JPH1: variants seen among roughly 807,000 people sequenced by gnomAD.
JPH1 encodes junctophilin 1, also known as junctophilin-1.
Under a neutral mutation model 53.6 loss-of-function variants are expected in JPH1, and 12 were observed. The ratio of observed to expected loss-of-function variants is 0.22; its 90% CI spans 0.14 to 0.36. The LOEUF is 0.36. Among genes scored for constraint, JPH1 ranks in the 10% least tolerant of loss-of-function variants. The probability of loss-of-function intolerance (pLI) is 1.00; values close to 1 mark genes in which losing one functional copy is unlikely to be tolerated. For synonymous variants in JPH1, 375 were observed against 363.8 expected (o/e 1.03, Z -0.35); for missense variants, 808 against 905.5 (o/e 0.89, Z 1.38).
chr8:74,266,356 C>T (rs928161130), intron 2 of JPH1, among the ~76,000 whole-genome samples: 2 of 151,980 alleles, frequency 1.3e-5, no homozygotes, highest in East Asian at 3.9e-4. Context: ...TGATTATATA[C>T]ATACTGGAAT....
Position 74,315,141 on chromosome 8 carries a change from T to C in JPH1, c.859A>G (p.Asn287Asp). ...ACGCCGAAGCCGTTGCGCTTGTCGT[T>C]CTTCCACTCGCCCATGTAGGTTTCC... Reference protein sequence around the residue: ...TTETYMGEWKNDKRNGFGVSE... With the variant: ...TTETYMGEWKDDKRNGFGVSE... The change falls in exon 2 of 6, where the codon AAC becomes GAC. Residue 287 changes from asparagine to aspartate, a missense_variant. Asn to Asp is a conservative substitution (Grantham distance 23). This residue lies in a region of JPH1 where 756 missense variants were observed against 811.9 expected (regional missense o/e 0.93). Coordinates refer to ENST00000342232, the MANE Select transcript of JPH1 (RefSeq NM_020647.4). This position sits in a 1 kb window ranked among gnomAD's most constrained non-coding sequence, Gnocchi z 6.3. 2 of 1,614,254 alleles carry C rather than the reference T, an allele frequency of 1.2e-6. No homozygotes were observed. Among genetic ancestry groups the C allele is most frequent in the Non-Finnish European group, 1.7e-6 (2 of 1,180,040 alleles).
chr8:74,254,310 A>T (rs1431541690), intron 3 of JPH1, among the ~76,000 whole-genome samples: 1 of 152,254 alleles, frequency 6.6e-6, no homozygotes, highest in East Asian at 1.9e-4. Flanking sequence ...TTATCTCAAT[A>T]GATGCAGAAA....
At chr8:74,252,280 A>G (rs1448301683) in intron 3 of JPH1, among the ~76,000 whole-genome samples, 2 of 152,220 alleles carry the variant, frequency 1.3e-5, no homozygotes, top group Non-Finnish European at 2.9e-5. Flanking sequence ...TTCATGACTA[A>G]AACACCAAAA....
chr8:74,311,322 T>A (rs1193616863), intron 2 of JPH1, among the ~76,000 whole-genome samples: 1 of 152,132 alleles, frequency 6.6e-6, no homozygotes, highest in Admixed American at 6.5e-5. Context: ...TGTTCTTAAA[T>A]TTTCAGTAGT....
intron 2 of JPH1, among the ~76,000 whole-genome samples, chr8:74,282,384 A>G (rs1807038573): frequency 6.6e-6 from 1 of 152,178 alleles, no homozygotes; most frequent in Non-Finnish European, 1.5e-5. Flanking sequence ...GATCTGCCCA[A>G]CCACAGAATG....
At chr8:74,290,132 T>C (rs1807280554) in intron 2 of JPH1, among the ~76,000 whole-genome samples, 1 of 152,062 alleles carries the variant, frequency 6.6e-6, no homozygotes, top group Admixed American at 6.5e-5. Context: ...CAACAGAGTG[T>C]TGGAAGTTCT....
chr8:74,307,787 C>T (rs6983232), intron 2 of JPH1, among the ~76,000 whole-genome samples: 34 of 152,076 alleles, frequency 2.2e-4, no homozygotes, highest in African/African-American at 6.8e-4. Flanking sequence ...ACAGACATAA[C>T]GATAGCTTAT....
intron 1 of JPH1, among the ~76,000 whole-genome samples, chr8:74,317,427 T>C (rs1461532609): frequency 6.6e-6 from 1 of 152,192 alleles, no homozygotes; most frequent in Non-Finnish European, 1.5e-5. Flanking sequence ...AAGATAGTCA[T>C]GTAAAACATT....
chr8:74,253,000 AAGGATACCC>A (rs1404854028), intron 3 of JPH1, among the ~76,000 whole-genome samples: 1 of 152,080 alleles, frequency 6.6e-6, no homozygotes, highest in Non-Finnish European at 1.5e-5. Flanking sequence ...GAAAGTCAAC[AAGGATACCC>A]AGGAATTGAA....
At position 74,315,213 on chromosome 8, in the gene JPH1, C is replaced by G; in HGVS notation, c.787G>C (p.Asp263His). 6.2e-7 allele frequency: 1 copy of G among 1,614,212 alleles called. No individual in the cohort carries two copies. Among genetic ancestry groups the G allele is most frequent in the Middle Eastern group, 1.6e-4 (1 of 6,062 alleles). ...TCTTCCACCGGGCAAAAATCACAAT[C>G]TACATCGCCAAAGCTGATCGTGGAG... ...ANSTISFGDVDCDFCPVEDHV... is the reference protein window; with the variant it reads ...ANSTISFGDVHCDFCPVEDHV... The change falls in exon 2 of 6, where the codon GAT becomes CAT. Residue 263 changes from aspartate to histidine, a missense_variant. By Grantham distance (81) the Asp-to-His change is moderately conservative. Around this residue, in one of 2 missense-constraint regions of JPH1, gnomAD observed 756 missense variants for 811.9 expected, o/e 0.93. Transcript: ENST00000342232. This position sits in a 1 kb window ranked among gnomAD's most constrained non-coding sequence, Gnocchi z 6.3.
chr8:74,260,529 A>G (rs767118453), intron 2 of JPH1, among the ~76,000 whole-genome samples: 1 of 152,232 alleles, frequency 6.6e-6, no homozygotes, highest in Non-Finnish European at 1.5e-5. Flanking sequence ...AGCACTAGGC[A>G]GGGCTATAAA....
At chr8:74,310,516 C>T (rs145844100) in intron 2 of JPH1, among the ~76,000 whole-genome samples, 54 of 152,260 alleles carry the variant, frequency 3.5e-4, no homozygotes, top group Non-Finnish European at 6.9e-4. Context: ...TCTATATCTA[C>T]GATGTGATAT....
At chr8:74,286,158 C>A (rs186717079) in intron 2 of JPH1, among the ~76,000 whole-genome samples, 1 of 152,340 alleles carries the variant, frequency 6.6e-6, no homozygotes, top group South Asian at 2.1e-4. Flanking sequence ...TACTCGGTCA[C>A]CATAAACTCC....
rs887214472 is a variant in JPH1 at position 74,315,339 on chromosome 8, T to C, written c.661A>G (p.Met221Val). ...LFRRGSLLGS[M>V]KLRKSESKSS... ...TTGGATTCGGACTTGCGAAGTTTCATGCTTCCAAGAAGGGAGCCCCTCCGG... is the reference window on the plus strand; with the variant it reads ...TTGGATTCGGACTTGCGAAGTTTCACGCTTCCAAGAAGGGAGCCCCTCCGG... The change falls in exon 2 of 6, where the codon ATG becomes GTG. Residue 221 changes from methionine to valine, a missense_variant. By Grantham distance (21) the Met-to-Val change is conservative (BLOSUM62 1). Transcript: ENST00000342232. This position sits in a 1 kb window ranked among gnomAD's most constrained non-coding sequence, Gnocchi z 6.3. 7 of 1,613,566 alleles carry C rather than the reference T, an allele frequency of 4.3e-6. No individual in the cohort carries two copies. The highest frequency in any genetic ancestry group is 1.1e-5 in the South Asian group (1 of 91,086).
intron 3 of JPH1, among the ~76,000 whole-genome samples, chr8:74,248,034 A>G (rs992299068): frequency 6.6e-5 from 10 of 152,198 alleles, no homozygotes; most frequent in Admixed American, 2.0e-4. Context: ...AGTATTTCTT[A>G]TGATATTTAT....
intron 2 of JPH1, among the ~76,000 whole-genome samples, chr8:74,302,965 A>C (rs1002757423): frequency 1.3e-5 from 2 of 152,068 alleles, no homozygotes; most frequent in Non-Finnish European, 2.9e-5. Flanking sequence ...AAAAGAAAAA[A>C]AAAAAAAAAA....
rs140479361 is a variant in JPH1 at position 74,301,599 on chromosome 8, T to C, written c.1139+13262A>G. On this transcript the variant is annotated intron_variant, in intron 2 of 5. Coordinates refer to ENST00000342232, the MANE Select transcript of JPH1 (RefSeq NM_020647.4). ...CTCACACTGTACACTTTCATTCCAC[T>C]CCACCTTTGCTCAGGATCTTCCTCC... is the stretch of plus-strand genomic sequence containing the variant. 7.8e-3 allele frequency among the ~76,000 whole-genome samples: 1,182 copies of C among 152,252 alleles called. 8 individuals are homozygous for C. Among genetic ancestry groups the C allele is most frequent in the Non-Finnish European group, 0.013 (852 of 68,000 alleles).
intron 2 of JPH1, among the ~76,000 whole-genome samples, chr8:74,271,545 C>T (rs1200116395): frequency 6.6e-6 from 1 of 152,192 alleles, no homozygotes; most frequent in Non-Finnish European, 1.5e-5. Context: ...GCTGACTCTG[C>T]CCTACCTGAA....
intron 2 of JPH1, among the ~76,000 whole-genome samples, chr8:74,276,030 A>C (rs1402870803): frequency 6.6e-6 from 1 of 152,232 alleles, no homozygotes. Context: ...AGAAGCACAC[A>C]TATAGCTCAT....
Sources: gnomAD v4.1 joint callset for allele counts (sites outside exome capture counted in the v4.1 genomes callset) on GRCh38, gnomAD v4.1.1 for gene constraint, gnomAD v4.1.1 regional missense constraint, Gnocchi (gnomAD v3.1) non-coding constraint, MANE v1.5 for transcripts, NCBI Gene and HGNC (gene_info 2026-07-23, HGNC 2026-07-21) for gene names.